Variants in PSMD14 observed in about 807,000 individuals in gnomAD.
PSMD14 encodes proteasome 26S subunit, non-ATPase 14, also known as ubiquitin C-terminal hydrolase PSMD14.
In PSMD14, 7 loss-of-function variants were observed where a neutral mutation model predicts 41.2. The ratio of observed to expected loss-of-function variants is 0.17; its 90% CI spans 0.10 to 0.32. The LOEUF is 0.32. PSMD14 is among the 10% of genes least tolerant of loss of function. The probability of loss-of-function intolerance (pLI) is 1.00; values close to 1 mark genes in which losing one functional copy is unlikely to be tolerated. For missense variants in PSMD14, 139 were observed against 375.6 expected (o/e 0.37, Z 5.21); for synonymous variants, 114 against 122.3 (o/e 0.93, Z 0.45).
At chr2:161,352,567 C>G (rs1683134717) in intron 3 of PSMD14, among the ~76,000 whole-genome samples, 1 of 152,018 alleles carries the variant, frequency 6.6e-6, no homozygotes, top group Non-Finnish European at 1.5e-5. Context: ...GGACTAGGAC[C>G]ACATCTAACT....
intron 7 of PSMD14, among the ~76,000 whole-genome samples, chr2:161,375,684 A>G (rs1481596138): frequency 6.6e-6 from 1 of 151,964 alleles, no homozygotes; most frequent in East Asian, 1.9e-4. Context: ...TTAAACAACT[A>G]GCATTTTACA....
intron 1 of PSMD14, among the ~76,000 whole-genome samples, chr2:161,315,319 T>C (rs1444943875): frequency 6.6e-6 from 1 of 152,244 alleles, no homozygotes; most frequent in Non-Finnish European, 1.5e-5. Context: ...AAATCCTGGC[T>C]AATTTTATTG....
At chr2:161,395,696 C>T (rs1267758377) in intron 10 of PSMD14, among the ~76,000 whole-genome samples, 1 of 152,020 alleles carries the variant, frequency 6.6e-6, no homozygotes, top group Non-Finnish European at 1.5e-5. Flanking sequence ...TAGATTGCAA[C>T]TCATTAATGG....
At chr2:161,308,908 A>G (rs1689056500) in intron 1 of PSMD14, 3 of 152,172 alleles carry the variant, frequency 2.0e-5, no homozygotes, top group South Asian at 2.1e-4. Context: ...CTCTATCCAT[A>G]GTTGTTAACC....
chr2:161,340,694 T>A lies in PSMD14; in HGVS notation c.48+21821T>A, dbSNP rs1574121862. The A allele has an allele frequency of 5.2e-6, 8 of 1,530,050 alleles. No individual in the cohort carries two copies. In the East Asian group the frequency reaches 1.9e-4, roughly 36 times the overall value. 94.8% of individuals were successfully genotyped at this position (1,530,050 alleles called of 1,614,324 possible). A position where few individuals can be genotyped will look rare whatever the true frequency, so the allele number is the denominator to read the frequency against. ...GAGGGTCTAGAGCTCAGCAGATTTA[T>A]GGAGGCAGCATGCACCCTGGGCGCC... is the stretch of plus-strand genomic sequence containing the variant. On this transcript the variant is annotated intron_variant, in intron 3 of 11. Coordinates refer to ENST00000409682, the MANE Select transcript of PSMD14 (RefSeq NM_005805.6).
intron 9 of PSMD14, among the ~76,000 whole-genome samples, chr2:161,394,096 C>G (rs754986268): frequency 5.9e-5 from 9 of 151,310 alleles, no homozygotes; most frequent in Admixed American, 2.6e-4. Context: ...CTCAGCCTCC[C>G]AAGTAGCTGA....
intron 3 of PSMD14, among the ~76,000 whole-genome samples, chr2:161,337,479 G>A (rs947118001): frequency 6.6e-6 from 1 of 152,170 alleles, no homozygotes; most frequent in Non-Finnish European, 1.5e-5. Context: ...ATGGGTCATA[G>A]CTTTAAGTGG....
intron 3 of PSMD14, among the ~76,000 whole-genome samples, chr2:161,323,876 G>A (rs1386327725): frequency 1.3e-5 from 2 of 152,056 alleles, no homozygotes; most frequent in Non-Finnish European, 2.9e-5. Flanking sequence ...ATTACTAAAA[G>A]GTATGAGATT....
chr2:161,345,236 C>CTTTT (rs869245727), intron 3 of PSMD14, among the ~76,000 whole-genome samples: 13 of 57,016 alleles, frequency 2.3e-4, no homozygotes, highest in South Asian at 9.7e-4. Flanking sequence ...ATCTCTGTGT[C>CTTTT]TTTTTTTTTT....
At chr2:161,318,753 T>G (rs767415496) in intron 2 of PSMD14, 69 bp from the exon 3 acceptor site, 3 of 1,224,248 alleles carry the variant, frequency 2.5e-6, no homozygotes, top group Non-Finnish European at 3.6e-6. Flanking sequence ...TGAAGGTGAA[T>G]TATATAGATA....
At chr2:161,321,504 A>T (rs746834380) in intron 3 of PSMD14, among the ~76,000 whole-genome samples, 8 of 152,170 alleles carry the variant, frequency 5.3e-5, no homozygotes, top group Non-Finnish European at 1.2e-4. Context: ...CTCCCAATTG[A>T]CACAAACCTG....
intron 3 of PSMD14, among the ~76,000 whole-genome samples, chr2:161,345,047 G>T (rs1000454563): frequency 1.3e-5 from 2 of 151,976 alleles, no homozygotes; most frequent in African/African-American, 2.4e-5. Flanking sequence ...GATCCATTTT[G>T]TACATATTTT....
chr2:161,384,284 A>G (rs1459336254), intron 7 of PSMD14: 1 of 151,576 alleles, frequency 6.6e-6, no homozygotes, highest in East Asian at 1.9e-4. Context: ...ATTTTTTGTT[A>G]TTGTCTTTGG....
At chr2:161,319,506 T>G (rs1417116036) in intron 3 of PSMD14, among the ~76,000 whole-genome samples, 1 of 152,148 alleles carries the variant, frequency 6.6e-6, no homozygotes, top group Admixed American at 6.5e-5. Context: ...GATCAAGAAT[T>G]TGTGCCTCTT....
chr2:161,318,986 G>A (rs1035511364), intron 3 of PSMD14, 113 bp downstream of exon 3: 55 of 744,652 alleles, frequency 7.4e-5, no homozygotes, highest in Non-Finnish European at 1.1e-4. Context: ...ATAACTCTAT[G>A]GTAAGAATCT....
At chr2:161,359,080 C>T (rs945317003) in intron 3 of PSMD14, among the ~76,000 whole-genome samples, 1 of 152,068 alleles carries the variant, frequency 6.6e-6, no homozygotes, top group Non-Finnish European at 1.5e-5. Flanking sequence ...GCAATCCTTC[C>T]ACCTTAACCT....
chr2:161,351,525 C>T (rs1683117354), intron 3 of PSMD14, among the ~76,000 whole-genome samples: 1 of 152,148 alleles, frequency 6.6e-6, no homozygotes, highest in South Asian at 2.1e-4. Flanking sequence ...AAAGGAAAGC[C>T]CTTTGCCCCC....
rs1039644102 is a variant in PSMD14, at chr2:161,369,710, T to C, written c.241-397T>C. On this transcript the variant is annotated intron_variant, in intron 5 of 11. Coordinates refer to ENST00000409682, the MANE Select transcript of PSMD14 (RefSeq NM_005805.6). Reference sequence around the variant, plus strand: ...TGTAAGAGACTTGAGGCTGTTTCATTATGATAGCTGAATATTTGTAGAACT... The same window carrying C: ...TGTAAGAGACTTGAGGCTGTTTCATCATGATAGCTGAATATTTGTAGAACT... Among the ~76,000 whole-genome samples, 5 of 152,074 alleles carry C rather than the reference T, an allele frequency of 3.3e-5. No individual in the cohort carries two copies. The South Asian group carries it at 8.3e-4, about 25-fold the overall frequency.
chr2:161,318,915 A>G (rs1689173743), intron 3 of PSMD14, 42 bp downstream of exon 3: 1 of 1,532,734 alleles, frequency 6.5e-7, no homozygotes, highest in Non-Finnish European at 8.9e-7. Flanking sequence ...TGTGTAAACT[A>G]CAAGCCTTTT....
Sources: gnomAD v4.1 joint callset for allele counts (sites outside exome capture counted in the v4.1 genomes callset) on GRCh38, gnomAD v4.1.1 for gene constraint, MANE v1.5 for transcripts, NCBI Gene and HGNC (gene_info 2026-07-23, HGNC 2026-07-21) for gene names.